The following PINK1 variants were observed in gnomAD, a reference collection of about 807,000 sequenced individuals.
PINK1 encodes PTEN induced kinase 1, also known as serine/threonine-protein kinase PINK1, mitochondrial.
A neutral mutation model predicts 56.0 loss-of-function variants in PINK1; 58 were observed. The observed-to-expected ratio is 1.04, with a 90% CI of 0.84 to 1.29. PINK1 has a LOEUF of 1.29. Ranked by LOEUF, PINK1 falls within the 50% of genes most tolerant of loss-of-function variation. The pLI, the probability that PINK1 is intolerant of heterozygous loss-of-function variation, is 0.00. For synonymous variants in PINK1, 354 were observed against 339.3 expected (o/e 1.04, Z -0.48); for missense variants, 745 against 777.9 (o/e 0.96, Z 0.50).
At position 20,650,492 on chromosome 1, in the gene PINK1, T is replaced by G; in HGVS notation, c.1547T>G (p.Ile516Ser). The G allele has an allele frequency of 6.2e-7, 1 of 1,614,182 alleles. No homozygotes were observed. The highest frequency in any genetic ancestry group is 1.1e-5 in the South Asian group (1 of 91,082). Residue 516 changes from isoleucine to serine, a missense_variant, in exon 8 of 8, where the codon ATT (isoleucine) becomes AGT (serine). Coordinates refer to ENST00000321556, the MANE Select transcript of PINK1 (RefSeq NM_032409.3). ...VLHLSLWGEHILALKNLKLDK... is the reference protein window; with the variant it reads ...VLHLSLWGEHSLALKNLKLDK... ...CATCTAAGCCTCTGGGGTGAACATA[T>G]TCTAGCCCTGAAGAATCTGAAGTTA... is the stretch of plus-strand genomic sequence containing the variant.
At position 20,633,490 on chromosome 1, in the gene PINK1, G is replaced by C; in HGVS notation, c.-59G>C. The C allele has an allele frequency of 9.1e-7, 1 of 1,095,110 alleles. No homozygotes were observed. Among genetic ancestry groups the C allele is most frequent in the Admixed American group, 5.1e-5 (1 of 19,674 alleles). The allele number at this position is 1,095,110 out of a possible 1,614,324, so 67.8% of individuals were successfully genotyped here. A position where few individuals can be genotyped will look rare whatever the true frequency, so the allele number is the denominator to read the frequency against. On this transcript the variant is annotated 5_prime_UTR_variant, in exon 1 of 8. Transcript: ENST00000321556. ...CCGCCCCAAGTTTGTTGTGACCGGC[G>C]GGGGACGCCGGTGGTGGCGGCAGCG... is the stretch of plus-strand genomic sequence containing the variant.
At position 20,634,004 on chromosome 1, in the gene PINK1, T is replaced by TG; in HGVS notation, c.387+74dup. 7.3e-6 allele frequency: 5 copies of TG among 684,454 alleles called. No homozygotes were observed. The Admixed American group carries it at 2.0e-4, about 27-fold the overall frequency. 42.4% of individuals were successfully genotyped at this position (684,454 alleles called of 1,614,324 possible). The stretch of plus-strand genomic sequence containing the variant: ...GCGCGGGGGCGGGTCCTCAGCTGGG[T>TG]GGGGGCGGGGCTAGGTGTGGAGGCG... On this transcript the variant is annotated intron_variant, in intron 1 of 7. Transcript: ENST00000321556.
At chr1:20,648,016 T>C (rs1325339698) in intron 5 of PINK1, among the ~76,000 whole-genome samples, 1 of 151,938 alleles carries the variant, frequency 6.6e-6, no homozygotes, top group Non-Finnish European at 1.5e-5. Flanking sequence ...GGTTTCACCA[T>C]GTTGGCCAGG....
rs749670160 is a variant in PINK1 at position 20,637,871 on chromosome 1, G to T, written c.417G>T (p.Gly139=). ...TTTTTACCCAGAAAAGCAAGCCGGG[G>T]CCTGACCCGTTGGACACGAGACGCT... is the stretch of plus-strand genomic sequence containing the variant. ...QAIFTQKSKP[G]PDPLDTRRLQ... Residue 139 remains glycine (G), a synonymous_variant, in exon 2 of 8, where the codon GGG becomes GGT. Transcript: ENST00000321556. 7 of 1,614,082 alleles carry T rather than the reference G, an allele frequency of 4.3e-6. No individual in the cohort carries two copies. In the Admixed American group the frequency reaches 6.7e-5, roughly 15 times the overall value.
chr1:20,643,667 G>A (rs7530085), intron 3 of PINK1, among the ~76,000 whole-genome samples: 42,025 of 152,118 alleles, frequency 0.28, 5,972 homozygotes, highest in South Asian at 0.37. Context: ...CAAACAGTGC[G>A]TATTGGTTGA....
At chr1:20,639,169 G>A in intron 2 of PINK1, 1 of 157,338 alleles carries the variant, frequency 6.4e-6, no homozygotes, top group South Asian at 1.9e-4. Context: ...GCAGTTTCTT[G>A]TTCTGATTTG....
rs2053020842 is a variant in PINK1, at chr1:20,633,856, C to T, written c.308C>T (p.Ala103Val). ...AGPCGRAVFL[A>V]FGLGLGLIEE... ...CCTTGCGGCCGGGCAGTCTTTCTGGCCTTCGGGCTAGGGCTGGGCCTCATC... is the reference window on the plus strand; with the variant it reads ...CCTTGCGGCCGGGCAGTCTTTCTGGTCTTCGGGCTAGGGCTGGGCCTCATC... The change falls in exon 1 of 8, where the codon GCC (alanine) becomes GTC (valine). Residue 103 changes from alanine (A) to valine (V), a missense_variant. Ala to Val is a moderately conservative substitution (Grantham distance 64, BLOSUM62 0). Transcript: ENST00000321556. 9 of 1,578,022 alleles carry T rather than the reference C, an allele frequency of 5.7e-6. No individual in the cohort carries two copies. The highest frequency in any genetic ancestry group is 1.7e-4 in the Middle Eastern group (1 of 5,732).
At position 20,639,749 on chromosome 1, in the gene PINK1, A is replaced by G. The variant is rs3819026; in HGVS notation, c.676-143A>G. 8.6e-4 allele frequency: 637 copies of G among 741,246 alleles called. 2 individuals carry two copies. The East Asian group carries it at 0.014, about 17-fold the overall frequency. The allele number at this position is 741,246 out of a possible 1,614,324, so 45.9% of individuals were successfully genotyped here. Reference sequence around the variant, plus strand: ...CAGGAGTAACTAGTCTCAGCCTGCCAGTTAAGACAGGTCATCTTATCTCGA... The same window carrying G: ...CAGGAGTAACTAGTCTCAGCCTGCCGGTTAAGACAGGTCATCTTATCTCGA... On this transcript the variant is annotated intron_variant, in intron 2 of 7. Coordinates refer to ENST00000321556, the MANE Select transcript of PINK1 (RefSeq NM_032409.3).
intron 5 of PINK1, among the ~76,000 whole-genome samples, chr1:20,647,205 C>G (rs1488600958): frequency 6.6e-6 from 1 of 151,836 alleles, no homozygotes; most frequent in South Asian, 2.1e-4. Flanking sequence ...TACAGGCGCC[C>G]ACCACCACGC....
rs1225787887 is a variant in PINK1, at chr1:20,644,691, G to A, written c.959+19G>A. On this transcript the variant is annotated intron_variant, in intron 4 of 7. Coordinates refer to ENST00000321556, the MANE Select transcript of PINK1 (RefSeq NM_032409.3). ...TGAAGAAGTAAGTGACAGCAGCGCG[G>A]CAGGGCCTGGAGCTGATACATCTCC... 6.2e-6 allele frequency: 10 copies of A among 1,613,130 alleles called. No homozygotes were observed. Among genetic ancestry groups the A allele is most frequent in the Non-Finnish European group, 7.6e-6 (9 of 1,179,864 alleles).
chr1:20,650,553 C>T lies in PINK1; in HGVS notation c.1608C>T (p.Ala536=), dbSNP rs749131400. Residue 536 remains alanine, a synonymous_variant, in exon 8 of 8, where the codon GCC becomes GCT. Transcript: ENST00000321556. Reference sequence around the variant, plus strand: ...TTGGCTGGCTCCTCCAACAATCGGCCGCCACTTTGTTGGCCAACAGGCTCA... The same window carrying T: ...TTGGCTGGCTCCTCCAACAATCGGCTGCCACTTTGTTGGCCAACAGGCTCA... ...KMVGWLLQQS[A]ATLLANRLTE... is the part of the protein sequence containing the mutation. 13 of 1,614,080 alleles carry T rather than the reference C, an allele frequency of 8.1e-6. 1 individual carries two copies. The highest frequency in any genetic ancestry group is 2.7e-5 in the African/African-American group (2 of 74,920).
intron 3 of PINK1, among the ~76,000 whole-genome samples, chr1:20,643,658 A>C (rs2053141107): frequency 6.6e-6 from 1 of 152,254 alleles, no homozygotes; most frequent in South Asian, 2.1e-4. Context: ...CTCAGCATGC[A>C]AACAGTGCGT....
chr1:20,651,133 G>A lies in PINK1; in HGVS notation c.*442G>A. ...GTTACGGGAGTGGGAAATTACATGA[G>A]GCCTGGGCCTCTGCGTTCCCAAGCT... On this transcript the variant is annotated 3_prime_UTR_variant, in exon 8 of 8. Coordinates refer to ENST00000321556, the MANE Select transcript of PINK1 (RefSeq NM_032409.3). 1 of 245,018 alleles carries A rather than the reference G, an allele frequency of 4.1e-6. No homozygotes were observed. Among genetic ancestry groups the A allele is most frequent in the Non-Finnish European group, 8.1e-6 (1 of 122,788 alleles). 15.2% of individuals were successfully genotyped at this position (245,018 alleles called of 1,614,324 possible).
At position 20,639,878 on chromosome 1, in the gene PINK1, T is replaced by G. The variant is rs558458802; in HGVS notation, c.676-14T>G. On this transcript the variant is annotated splice_polypyrimidine_tract_variant and intron_variant, in intron 2 of 7. Transcript: ENST00000321556. ...CCGGCCTGTGTAACCCTGGGTTCCTTGTGGGTGTTCCAGGCAGGTTCCTCC... is the reference window on the plus strand; with the variant it reads ...CCGGCCTGTGTAACCCTGGGTTCCTGGTGGGTGTTCCAGGCAGGTTCCTCC... 1 of 1,608,032 alleles carries G rather than the reference T, an allele frequency of 6.2e-7. No homozygotes were observed. Among genetic ancestry groups the G allele is most frequent in the African/African-American group, 1.3e-5 (1 of 74,878 alleles).
intron 1 of PINK1, 101 bp from the exon 2 acceptor site, chr1:20,637,741 G>A (rs1287718510): frequency 7.9e-6 from 11 of 1,388,462 alleles, no homozygotes; most frequent in Middle Eastern, 2.5e-4. Flanking sequence ...TCTGGTCGAC[G>A]TGGACCACGC....
At chr1:20,637,061 G>T (rs1354659128) in intron 1 of PINK1, among the ~76,000 whole-genome samples, 1 of 152,226 alleles carries the variant, frequency 6.6e-6, no homozygotes, top group Non-Finnish European at 1.5e-5. Context: ...TGCCTGGTAG[G>T]CTATGGCCAA....
Position 20,641,399 on chromosome 1 carries a change from C to T in PINK1, c.776+1407C>T. 6.6e-6 allele frequency among the ~76,000 whole-genome samples: 1 copy of T among 152,166 alleles called. No individual in the cohort carries two copies. Among genetic ancestry groups the T allele is most frequent in the East Asian group, 1.9e-4 (1 of 5,188 alleles). On this transcript the variant is annotated intron_variant, in intron 3 of 7. Coordinates refer to ENST00000321556, the MANE Select transcript of PINK1 (RefSeq NM_032409.3). The surrounding 1 kb of genome is among the most constrained non-coding windows in gnomAD (Gnocchi z 4.0). ...TGCTGCCGGAGCACCATGATGTCTG[C>T]TGCTGAGACCTCCCATCTGACATAG...
At chr1:20,636,788 T>C (rs1233194420) in intron 1 of PINK1, among the ~76,000 whole-genome samples, 1 of 152,146 alleles carries the variant, frequency 6.6e-6, no homozygotes, top group Non-Finnish European at 1.5e-5. Flanking sequence ...GAGCTTGAGT[T>C]GGGCTTGATG....
At chr1:20,649,642 G>A in intron 7 of PINK1, 1 of 218,514 alleles carries the variant, frequency 4.6e-6, no homozygotes, top group South Asian at 6.7e-5. Flanking sequence ...GCACACGCCT[G>A]TAATTCCAGG....
Sources: allele counts gnomAD v4.1 joint callset (sites outside exome capture counted in the v4.1 genomes callset), GRCh38; gene constraint gnomAD v4.1.1; non-coding constraint Gnocchi (gnomAD v3.1); transcripts MANE v1.5; gene names NCBI Gene and HGNC (gene_info 2026-07-23, HGNC 2026-07-21).